The following GRM7 variants were observed in gnomAD, a reference collection of about 807,000 sequenced individuals.
The protein encoded by GRM7 is metabotropic glutamate receptor 7.
Under a neutral mutation model 84.5 loss-of-function variants are expected in GRM7, and 35 were observed. The observed-to-expected ratio is 0.41, with a 90% CI of 0.32 to 0.55. The LOEUF (loss-of-function observed/expected upper bound fraction) is 0.55, where lower values mean the gene tolerates loss of function less well. Ranked by LOEUF, GRM7 falls within the 20% of genes least tolerant of loss-of-function variation. GRM7 has a pLI of 0.19. For synonymous variants in GRM7, 487 were observed against 455.1 expected, an observed-to-expected ratio of 1.07 and a Z score of -0.89; for missense variants, 1,003 against 1,194.6, an observed-to-expected ratio of 0.84 and a Z score of 2.36.
chr3:7,436,088 C>T (rs1435071596), intron 5 of GRM7, among the ~76,000 whole-genome samples: 1 of 152,014 alleles, frequency 6.6e-6, no homozygotes, highest in Non-Finnish European at 1.5e-5. Context: ...CTCAGGTGAT[C>T]CACCTGCCTT....
chr3:7,225,004 C>T (rs1382884251), intron 2 of GRM7, among the ~76,000 whole-genome samples: 1 of 152,052 alleles, frequency 6.6e-6, no homozygotes, highest in Non-Finnish European at 1.5e-5. Flanking sequence ...GTTTTTACAG[C>T]TCTAGTTTTA....
intron 1 of GRM7, among the ~76,000 whole-genome samples, chr3:6,986,140 A>G (rs986146901): frequency 1.3e-5 from 2 of 152,220 alleles, no homozygotes; most frequent in Admixed American, 6.5e-5. Flanking sequence ...TCTTAGTAAC[A>G]CGGTATTATG....
chr3:7,656,543 G>GCACACACACACACACA lies in GRM7; in HGVS notation c.2452-23505_2452-23504insACACACACACACACAC, dbSNP rs140409240. On this transcript the variant is annotated intron_variant, in intron 8 of 9. Transcript: ENST00000357716. ...AAAAAATATATATATATATATACGC[G>GCACACACACACACACA]CGCGCACACACACACACACACACAC... Among the ~76,000 whole-genome samples, 128 of 119,968 alleles carry GCACACACACACACACA rather than the reference G, an allele frequency of 1.1e-3. 2 individuals carry two copies. Among genetic ancestry groups the GCACACACACACACACA allele is most frequent in the African/African-American group, 2.6e-3 (91 of 34,782 alleles). 78.7% of individuals were successfully genotyped at this position (119,968 alleles called of 152,430 possible). A position where few individuals can be genotyped will look rare whatever the true frequency, so the allele number is the denominator to read the frequency against.
intron 2 of GRM7, among the ~76,000 whole-genome samples, chr3:7,233,416 T>G (rs1296238998): frequency 6.6e-6 from 1 of 152,118 alleles, no homozygotes; most frequent in Non-Finnish European, 1.5e-5. Context: ...TATAGTTGGT[T>G]GAAAATAAAG....
intron 1 of GRM7, among the ~76,000 whole-genome samples, chr3:6,995,831 A>G (rs1575111057): frequency 6.6e-6 from 1 of 152,282 alleles, no homozygotes; most frequent in Admixed American, 6.5e-5. Context: ...CATGGGAAGA[A>G]GTTTCCTGAC....
At chr3:7,275,793 A>G (rs374107538) in intron 2 of GRM7, among the ~76,000 whole-genome samples, 5 of 152,116 alleles carry the variant, frequency 3.3e-5, no homozygotes, top group South Asian at 4.1e-4. Flanking sequence ...ACATATATTC[A>G]CTGTAAGAAC....
chr3:7,197,608 C>CT (rs1695920186), intron 2 of GRM7, among the ~76,000 whole-genome samples: 1 of 152,096 alleles, frequency 6.6e-6, no homozygotes, highest in Admixed American at 6.5e-5. Context: ...CTCTAGCTTA[C>CT]TTTTTTCTAG....
At chr3:7,598,791 GTGTT>G (rs1290255606) in intron 8 of GRM7, among the ~76,000 whole-genome samples, 2 of 152,158 alleles carry the variant, frequency 1.3e-5, no homozygotes, top group African/African-American at 4.8e-5. Flanking sequence ...GAAAAAATAA[GTGTT>G]TGCGTCAATA....
At chr3:6,956,335 G>C (rs1303733416) in intron 1 of GRM7, among the ~76,000 whole-genome samples, 1 of 152,188 alleles carries the variant, frequency 6.6e-6, no homozygotes, top group Non-Finnish European at 1.5e-5. Flanking sequence ...AGAGATGACA[G>C]TGTGCTGCCT....
chr3:7,140,677 T>C (rs1377794035), intron 1 of GRM7, among the ~76,000 whole-genome samples: 1 of 152,072 alleles, frequency 6.6e-6, no homozygotes, highest in African/African-American at 2.4e-5. Flanking sequence ...ATTATCATTA[T>C]TTTGTTATTG....
chr3:7,220,868 T>C (rs548926124), intron 2 of GRM7, among the ~76,000 whole-genome samples: 8 of 152,234 alleles, frequency 5.3e-5, no homozygotes, highest in Admixed American at 5.2e-4. Flanking sequence ...CATCTCAGCC[T>C]CATTGCATGA....
intron 5 of GRM7, among the ~76,000 whole-genome samples, chr3:7,429,856 A>G (rs1696758693): frequency 1.3e-5 from 2 of 152,162 alleles, no homozygotes. Flanking sequence ...AAAAGTTTAA[A>G]CCCTTAGGGA....
intron 8 of GRM7, among the ~76,000 whole-genome samples, chr3:7,656,303 A>G (rs1206658203): frequency 6.6e-6 from 1 of 152,078 alleles, no homozygotes; most frequent in Non-Finnish European, 1.5e-5. Context: ...AGCCTGGCCA[A>G]TATGGCAAAA....
intron 2 of GRM7, among the ~76,000 whole-genome samples, chr3:7,268,709 C>T (rs1190220439): frequency 6.6e-6 from 1 of 152,152 alleles, no homozygotes; most frequent in Non-Finnish European, 1.5e-5. Context: ...ATTTCCCGTC[C>T]TAATAGGGTT....
chr3:7,252,969 C>T (rs2124942661), intron 2 of GRM7, among the ~76,000 whole-genome samples: 2 of 128,894 alleles, frequency 1.6e-5, no homozygotes. Context: ...GGATTACAGA[C>T]AGGAGCCACT....
intron 4 of GRM7, among the ~76,000 whole-genome samples, chr3:7,341,861 C>T (rs1236311082): frequency 6.6e-6 from 1 of 152,074 alleles, no homozygotes; most frequent in Non-Finnish European, 1.5e-5. Context: ...GAGCTGGAAC[C>T]TGAACTCAGT....
At chr3:7,378,875 C>T (rs1694468649) in intron 4 of GRM7, among the ~76,000 whole-genome samples, 1 of 151,956 alleles carries the variant, frequency 6.6e-6, no homozygotes, top group Non-Finnish European at 1.5e-5. Flanking sequence ...ACTTTTTCTC[C>T]CTCACATGTT....
At chr3:7,717,072 T>C (rs544969410) in intron 9 of GRM7, among the ~76,000 whole-genome samples, 4 of 152,306 alleles carry the variant, frequency 2.6e-5, no homozygotes, top group Admixed American at 6.5e-5. Context: ...TGTGGAAGGA[T>C]AGAATACTGC....
In GRM7 at chr3:6,997,789, C is replaced by T. The variant is rs534395656; in HGVS notation, c.519+135882C>T. 1.3e-4 allele frequency among the ~76,000 whole-genome samples: 20 copies of T among 152,200 alleles called. No homozygotes were observed. The East Asian group carries it at 3.7e-3, about 28-fold the overall frequency. ...TCGTCCAAAAGTTCAAGTCCAAAGC[C>T]TAATCTCTGACAAGGCAAGTTCTTT... On this transcript the variant is annotated intron_variant, in intron 1 of 9. Coordinates refer to ENST00000357716, the MANE Select transcript of GRM7 (RefSeq NM_000844.4).
Sources: allele counts gnomAD v4.1 joint callset (sites outside exome capture counted in the v4.1 genomes callset), GRCh38; gene constraint gnomAD v4.1.1; transcripts MANE v1.5; gene names NCBI Gene and HGNC (gene_info 2026-07-23, HGNC 2026-07-21).